FKBP9: variants seen among roughly 807,000 people sequenced by gnomAD.
The protein encoded by FKBP9 is peptidyl-prolyl cis-trans isomerase FKBP9.
A neutral mutation model predicts 55.6 loss-of-function variants in FKBP9; 27 were observed. That is an observed-to-expected ratio of 0.49 (90% confidence interval 0.36 to 0.67). The LOEUF is 0.67. Among genes scored for constraint, FKBP9 ranks in the 30% least tolerant of loss-of-function variants. The pLI is 0.00. For missense variants in FKBP9, 539 were observed against 742.8 expected (o/e 0.73, Z 3.19); for synonymous variants, 267 against 296.5 (o/e 0.90, Z 1.02).
chr7:32,979,425 G>A lies in FKBP9; in HGVS notation c.704-939G>A, dbSNP rs1278210350. On this transcript the variant is annotated intron_variant, in intron 4 of 9. Coordinates refer to ENST00000242209, the MANE Select transcript of FKBP9 (RefSeq NM_007270.5). ...ATTGACCACACCTTGCATTCCAGGG[G>A]CTGACTCAGCAGCCGGCTTTCAGCA... 5.6e-6 allele frequency: 6 copies of A among 1,071,466 alleles called. No individual in the cohort carries two copies. The Admixed American group carries it at 7.9e-5, about 14-fold the overall frequency. 66.4% of individuals were successfully genotyped at this position (1,071,466 alleles called of 1,614,324 possible). A position where few individuals can be genotyped will look rare whatever the true frequency, so the allele number is the denominator to read the frequency against.
chr7:32,971,399 A>G (rs973634812), intron 1 of FKBP9, among the ~76,000 whole-genome samples: 1 of 152,194 alleles, frequency 6.6e-6, no homozygotes, highest in African/African-American at 2.4e-5. Context: ...TGCTTAGGCG[A>G]CATCAAATGA....
At position 32,962,222 on chromosome 7, in the gene FKBP9, G is replaced by A. The variant is rs1209233593; in HGVS notation, c.221+4428G>A. On this transcript the variant is annotated intron_variant, in intron 1 of 9. Transcript: ENST00000242209. ...AGCCTGACCAACATGGAGAAACCCC[G>A]TCTCTACTAAAAATACAAAAAATTA... 4.6e-5 allele frequency among the ~76,000 whole-genome samples: 7 copies of A among 151,986 alleles called. 1 individual carries two copies. The South Asian group carries it at 8.3e-4, about 18-fold the overall frequency.
intron 5 of FKBP9, among the ~76,000 whole-genome samples, chr7:32,984,122 G>T (rs1224615273): frequency 3.9e-5 from 6 of 151,904 alleles, no homozygotes; most frequent in African/African-American, 1.5e-4. Context: ...TACAAAGTCT[G>T]TCCTCTTCCT....
At chr7:33,001,533 C>T (rs1244215698) in intron 8 of FKBP9, among the ~76,000 whole-genome samples, 1 of 96,244 alleles carries the variant, frequency 1.0e-5, no homozygotes, top group Non-Finnish European at 2.0e-5. Context: ...GACTCCATCT[C>T]AGAAAAAAAA....
chr7:32,989,472 G>A (rs1464853505), intron 6 of FKBP9, among the ~76,000 whole-genome samples: 1 of 152,030 alleles, frequency 6.6e-6, no homozygotes, highest in African/African-American at 2.4e-5. Flanking sequence ...CTGGAGTACA[G>A]TGGCACGATC....
intron 1 of FKBP9, among the ~76,000 whole-genome samples, chr7:32,960,580 T>G (rs544765730): frequency 3.9e-5 from 6 of 152,372 alleles, no homozygotes; most frequent in South Asian, 2.1e-4. Flanking sequence ...TTGCTTGAGT[T>G]GATGGTAATT....
intron 1 of FKBP9, among the ~76,000 whole-genome samples, chr7:32,973,694 T>G (rs200326611): frequency 1.3e-3 from 95 of 70,732 alleles, no homozygotes; most frequent in African/African-American, 2.6e-3. Context: ...TTTTTTTTTT[T>G]TTTTTTTTTT....
intron 6 of FKBP9, among the ~76,000 whole-genome samples, chr7:32,995,510 A>G (rs956990828): frequency 3.3e-5 from 5 of 152,184 alleles, no homozygotes; most frequent in African/African-American, 1.2e-4. Flanking sequence ...ATGTAGGTGA[A>G]AAATACTTTG....
Position 33,006,926 on chromosome 7 carries a change from A to G in FKBP9, c.*1575A>G, listed in dbSNP as rs2127990435. 1 of 181,718 alleles carries G rather than the reference A, an allele frequency of 5.5e-6. No individual in the cohort carries two copies. The highest frequency in any genetic ancestry group is 6.3e-5 in the Admixed American group (1 of 15,938). The allele number at this position is 181,718 out of a possible 1,614,324, so 11.3% of individuals were successfully genotyped here. ...CTTTTCTGATATAAAATGTTGAATG[A>G]TATTATCTGGTTTTCTGATATTTTA... On this transcript the variant is annotated 3_prime_UTR_variant, in exon 10 of 10. Coordinates refer to ENST00000242209, the MANE Select transcript of FKBP9 (RefSeq NM_007270.5).
chr7:32,981,897 A>C (rs1039986685), intron 5 of FKBP9, among the ~76,000 whole-genome samples: 4 of 109,430 alleles, frequency 3.7e-5, no homozygotes, highest in Non-Finnish European at 7.3e-5. Flanking sequence ...ACTCTGTCTC[A>C]AAAAAAAAAA....
chr7:32,988,469 T>C, intron 5 of FKBP9, 38 bp from the exon 6 acceptor site: 1 of 1,611,606 alleles, frequency 6.2e-7, no homozygotes, highest in East Asian at 2.2e-5. Flanking sequence ...GTGGAGGCCC[T>C]CATGAATGAC....
chr7:32,972,540 A>G (rs1446828735), intron 1 of FKBP9, among the ~76,000 whole-genome samples: 1 of 152,248 alleles, frequency 6.6e-6, no homozygotes, highest in African/African-American at 2.4e-5. Context: ...TTTATTACAT[A>G]ATTAATTACA....
At chr7:32,986,622 G>C (rs1207374989) in intron 5 of FKBP9, among the ~76,000 whole-genome samples, 1 of 152,252 alleles carries the variant, frequency 6.6e-6, no homozygotes, top group Admixed American at 6.5e-5. Flanking sequence ...GGGAGTTTAT[G>C]TGGACAATCT....
chr7:32,999,475 CTT>C (rs528265138), intron 7 of FKBP9, among the ~76,000 whole-genome samples: 73 of 128,262 alleles, frequency 5.7e-4, no homozygotes, highest in Admixed American at 6.9e-4. Context: ...TCTTGGTGGT[CTT>C]TTTTTTTTTT....
At chr7:32,980,311 G>A (rs918076435) in intron 4 of FKBP9, 53 bp from the exon 5 acceptor site, 6 of 1,501,898 alleles carry the variant, frequency 4.0e-6, no homozygotes, top group Non-Finnish European at 5.5e-6. Context: ...GAGTTGTAAA[G>A]TACTTCCTAA....
intron 7 of FKBP9, among the ~76,000 whole-genome samples, chr7:32,996,684 C>T (rs1488980262): frequency 8.0e-6 from 1 of 124,630 alleles, no homozygotes; most frequent in Non-Finnish European, 1.7e-5. Context: ...CTCCCTTCCT[C>T]TTCTTTCCTT....
intron 1 of FKBP9, among the ~76,000 whole-genome samples, chr7:32,960,301 G>T (rs1783996003): frequency 6.6e-6 from 1 of 151,776 alleles, no homozygotes. Context: ...TTTTAGTAGA[G>T]ACGAGGTTTC....
At chr7:32,973,270 A>G in intron 1 of FKBP9, among the ~76,000 whole-genome samples, 1 of 152,194 alleles carries the variant, frequency 6.6e-6, no homozygotes, top group Non-Finnish European at 1.5e-5. Context: ...TAAAGGTGTG[A>G]GTCACAGCCA....
chr7:32,978,996 C>T (rs925809759), intron 4 of FKBP9, among the ~76,000 whole-genome samples: 40 of 152,182 alleles, frequency 2.6e-4, no homozygotes, highest in African/African-American at 9.4e-4. Flanking sequence ...AGGCCGGGCG[C>T]AGTGGCTGCC....
Sources: gnomAD v4.1 joint callset for allele counts (sites outside exome capture counted in the v4.1 genomes callset) on GRCh38, gnomAD v4.1.1 for gene constraint, MANE v1.5 for transcripts, NCBI Gene and HGNC (gene_info 2026-07-23, HGNC 2026-07-21) for gene names.